The following ANKS1B variants were observed in gnomAD, a reference collection of about 807,000 sequenced individuals.
The protein encoded by ANKS1B is ankyrin repeat and sterile alpha motif domain-containing protein 1B.
Under a neutral mutation model 148.3 loss-of-function variants are expected in ANKS1B, and 36 were observed. The observed-to-expected ratio is 0.24, with a 90% confidence interval of 0.19 to 0.32. The LOEUF is 0.32. Ranked by LOEUF, ANKS1B falls within the 10% of genes least tolerant of loss-of-function variation. ANKS1B has a pLI of 1.00. For missense variants in ANKS1B, 1,157 were observed against 1,542.6 expected (o/e 0.75, Z 4.19); for synonymous variants, 542 against 560.8 (o/e 0.97, Z 0.47).
intron 17 of ANKS1B, among the ~76,000 whole-genome samples, chr12:98,991,274 T>C (rs1312780076): frequency 2.0e-5 from 3 of 152,182 alleles, no homozygotes; most frequent in African/African-American, 7.2e-5. Context: ...CCATATTTGG[T>C]ATACATTTAA....
At chr12:99,183,491 A>C (rs1309858451) in intron 14 of ANKS1B, among the ~76,000 whole-genome samples, 2 of 152,116 alleles carry the variant, frequency 1.3e-5, no homozygotes, top group Non-Finnish European at 2.9e-5. Context: ...AAAATACAAA[A>C]AATTAGCCAG....
intron 9 of ANKS1B, among the ~76,000 whole-genome samples, chr12:99,651,296 A>G (rs1410219183): frequency 2.0e-5 from 3 of 152,244 alleles, no homozygotes; most frequent in African/African-American, 7.2e-5. Context: ...TCAAGGTTAC[A>G]TTACTGAGAA....
At chr12:99,461,934 T>C (rs978432529) in intron 10 of ANKS1B, among the ~76,000 whole-genome samples, 15 of 152,226 alleles carry the variant, frequency 9.9e-5, no homozygotes, top group African/African-American at 3.4e-4. Context: ...ACTACATCTA[T>C]TGTTTAATCC....
intron 15 of ANKS1B, among the ~76,000 whole-genome samples, chr12:99,131,713 G>T (rs1176121397): frequency 6.6e-6 from 1 of 152,014 alleles, no homozygotes; most frequent in Non-Finnish European, 1.5e-5. Context: ...TGTGATGATG[G>T]CTCCCCTGAG....
intron 10 of ANKS1B, among the ~76,000 whole-genome samples, chr12:99,452,330 G>A (rs2095756903): frequency 6.6e-6 from 1 of 152,108 alleles, no homozygotes; most frequent in Non-Finnish European, 1.5e-5. Flanking sequence ...AGACCTAGAA[G>A]AATGTTATAT....
At chr12:99,673,864 C>A (rs148991618) in intron 8 of ANKS1B, among the ~76,000 whole-genome samples, 7 of 151,418 alleles carry the variant, frequency 4.6e-5, no homozygotes, top group African/African-American at 1.7e-4. Flanking sequence ...GAAACAATTA[C>A]ATATTTATAG....
chr12:99,636,649 G>C (rs187403475), intron 9 of ANKS1B, among the ~76,000 whole-genome samples: 1 of 152,190 alleles, frequency 6.6e-6, no homozygotes, highest in East Asian at 1.9e-4. Flanking sequence ...CTTGTTTCTT[G>C]TTTACAGTAT....
At chr12:99,345,618 G>A (rs1205628134) in intron 12 of ANKS1B, among the ~76,000 whole-genome samples, 1 of 151,940 alleles carries the variant, frequency 6.6e-6, no homozygotes, top group African/African-American at 2.4e-5. Context: ...CTTTAAAAAG[G>A]TTAAATCACT....
chr12:98,785,102 T>C (rs764209303), intron 22 of ANKS1B, among the ~76,000 whole-genome samples: 2 of 152,166 alleles, frequency 1.3e-5, no homozygotes, highest in Non-Finnish European at 2.9e-5. Flanking sequence ...GGTTTTCTGA[T>C]GGTGTACTTT....
chr12:99,502,422 T>C (rs760480110), intron 10 of ANKS1B, among the ~76,000 whole-genome samples: 10 of 152,206 alleles, frequency 6.6e-5, no homozygotes, highest in Admixed American at 2.0e-4. Context: ...CACTATTCTA[T>C]TATAACATTC....
intron 9 of ANKS1B, among the ~76,000 whole-genome samples, chr12:99,588,650 GT>G (rs2097668357): frequency 6.6e-6 from 1 of 152,042 alleles, no homozygotes; most frequent in Non-Finnish European, 1.5e-5. Flanking sequence ...AGCCAAAATG[GT>G]TTTGAATTTT....
intron 4 of ANKS1B, among the ~76,000 whole-genome samples, chr12:99,799,314 T>A (rs1405444244): frequency 6.6e-6 from 1 of 152,090 alleles, no homozygotes; most frequent in East Asian, 1.9e-4. Context: ...AGCCCTTCTA[T>A]CTCATGGCTT....
chr12:99,159,907 T>C (rs1345198317), intron 14 of ANKS1B, among the ~76,000 whole-genome samples: 1 of 152,230 alleles, frequency 6.6e-6, no homozygotes, highest in Non-Finnish European at 1.5e-5. Context: ...TGCCTCTTAG[T>C]AATAGCCATT....
chr12:98,958,769 A>T (rs2099866450), intron 17 of ANKS1B, among the ~76,000 whole-genome samples: 1 of 152,238 alleles, frequency 6.6e-6, no homozygotes, highest in Non-Finnish European at 1.5e-5. Context: ...GCCACTGCTT[A>T]TGTGTTTAAT....
At chr12:99,129,934 C>T (rs1468124320) in intron 15 of ANKS1B, among the ~76,000 whole-genome samples, 1 of 152,088 alleles carries the variant, frequency 6.6e-6, no homozygotes, top group Non-Finnish European at 1.5e-5. Context: ...AATGCTTATC[C>T]AGTATTTCTT....
At position 99,976,322 on chromosome 12, in the gene ANKS1B, C is replaced by T. The variant is rs1455767143; in HGVS notation, c.134+7782G>A. Among the ~76,000 whole-genome samples the T allele has an allele frequency of 2.0e-5, 3 of 152,304 alleles. No individual in the cohort carries two copies. In the South Asian group the frequency reaches 6.2e-4, roughly 32 times the overall value. On this transcript the variant is annotated intron_variant, in intron 1 of 26. Transcript: ENST00000683438. ...TCCATGTAACTAATCTACATACATA[C>T]TTCCTGTATCTAAAATCTGTTGAAA...
intron 9 of ANKS1B, among the ~76,000 whole-genome samples, chr12:99,522,376 A>G (rs1042260994): frequency 1.3e-5 from 2 of 152,146 alleles, no homozygotes; most frequent in Non-Finnish European, 1.5e-5. Context: ...GCTACTGTCA[A>G]TTGTGCAATG....
chr12:99,151,868 C>G (rs1035001132), intron 15 of ANKS1B, among the ~76,000 whole-genome samples: 4 of 152,108 alleles, frequency 2.6e-5, no homozygotes, highest in African/African-American at 9.7e-5. Context: ...TAATTATACC[C>G]TTTTGATTTC....
intron 8 of ANKS1B, among the ~76,000 whole-genome samples, chr12:99,660,483 C>A (rs570032662): frequency 6.6e-6 from 1 of 151,446 alleles, no homozygotes; most frequent in African/African-American, 2.4e-5. Flanking sequence ...CCTGCCTCAG[C>A]CTCCCAAGTA....
Sources: gnomAD v4.1 joint callset for allele counts (sites outside exome capture counted in the v4.1 genomes callset) on GRCh38, gnomAD v4.1.1 for gene constraint, MANE v1.5 for transcripts, NCBI Gene and HGNC (gene_info 2026-07-23, HGNC 2026-07-21) for gene names.